Variants in ATP2C2 observed in about 807,000 individuals in gnomAD.
The protein encoded by ATP2C2 is ATPase secretory pathway Ca2+ transporting 2.
Under a neutral mutation model 110.8 loss-of-function variants are expected in ATP2C2, and 171 were observed. That is an observed-to-expected ratio of 1.54 (90% CI 1.36 to 1.75). The LOEUF (loss-of-function observed/expected upper bound fraction) is 1.75. Among genes scored for constraint, ATP2C2 ranks in the 40% most tolerant of loss-of-function variants. The pLI is 0.00. For missense variants in ATP2C2, 1,963 were observed against 1,235.0 expected (o/e 1.59, Z -8.84); for synonymous variants, 804 against 508.4 (o/e 1.58, Z -7.82).
chr16:84,440,136 C>G (rs1400054682), intron 13 of ATP2C2, among the ~76,000 whole-genome samples: 1 of 152,182 alleles, frequency 6.6e-6, no homozygotes, highest in Non-Finnish European at 1.5e-5. Context: ...CCACGCCCAG[C>G]CTGTTTTATT....
chr16:84,384,696 G>A (rs911439036), intron 1 of ATP2C2, among the ~76,000 whole-genome samples: 19 of 152,116 alleles, frequency 1.2e-4, no homozygotes, highest in Admixed American at 1.1e-3. Context: ...CTATCACAAC[G>A]TTTGCTGAAT....
At chr16:84,401,529 A>G (rs1252273319) in intron 2 of ATP2C2, among the ~76,000 whole-genome samples, 1 of 151,840 alleles carries the variant, frequency 6.6e-6, no homozygotes, top group Non-Finnish European at 1.5e-5. Flanking sequence ...ATGGGGTGAA[A>G]TTTCACTCTC....
intron 1 of ATP2C2, among the ~76,000 whole-genome samples, chr16:84,395,964 T>C (rs1008092013): frequency 6.6e-6 from 1 of 152,186 alleles, no homozygotes; most frequent in Non-Finnish European, 1.5e-5. Flanking sequence ...AGAGACTCTG[T>C]AGTCATTAAA....
At chr16:84,435,963 T>C (rs1908700505) in intron 11 of ATP2C2, among the ~76,000 whole-genome samples, 1 of 152,224 alleles carries the variant, frequency 6.6e-6, no homozygotes, top group African/African-American at 2.4e-5. Context: ...ACCTCATCTC[T>C]ACTAAAAATT....
Position 84,410,573 on chromosome 16 carries a change from G to A in ATP2C2, c.423G>A (p.Val141=). 1 of 1,614,052 alleles carries A rather than the reference G, an allele frequency of 6.2e-7. No individual in the cohort carries two copies. The highest frequency in any genetic ancestry group is 1.1e-5 in the South Asian group (1 of 91,062). The stretch of plus-strand genomic sequence containing the variant: ...CTCCTCCGTTTGCTGTCTAGGCAGT[G>A]CTTGTCGTGGTCACTGTCGCCTTCA... The part of the protein sequence containing the change: ...YEDAVSIATA[V]LVVVTVAFIQ... The change falls in exon 5 of 27, where the codon GTG becomes GTA. Residue 141 remains valine, a synonymous_variant. Transcript: ENST00000262429.
intron 11 of ATP2C2, chr16:84,438,929 T>G: frequency 2.1e-6 from 1 of 474,332 alleles, no homozygotes; most frequent in Non-Finnish European, 3.8e-6. Flanking sequence ...CACATTAAGG[T>G]GTGGATGACT....
intron 15 of ATP2C2, among the ~76,000 whole-genome samples, chr16:84,444,608 A>T (rs79055851): frequency 0.049 from 7,498 of 152,286 alleles, 227 homozygotes; most frequent in Admixed American, 0.077. Context: ...CCCATTCAAC[A>T]ACTCCTCGCC....
intron 11 of ATP2C2, among the ~76,000 whole-genome samples, chr16:84,426,766 G>A (rs201229341): frequency 2.0e-5 from 3 of 152,158 alleles, no homozygotes; most frequent in East Asian, 3.8e-4. Context: ...CTATCAGAGC[G>A]GCAATGGATG....
At chr16:84,442,666 C>T (rs563909173) in intron 15 of ATP2C2, 67 bp downstream of exon 15, 3 of 1,478,282 alleles carry the variant, frequency 2.0e-6, no homozygotes, top group Non-Finnish European at 2.8e-6. Context: ...TGGTAGAAAG[C>T]CAGCTCCTGT....
At chr16:84,415,847 A>T (rs950064572) in intron 7 of ATP2C2, among the ~76,000 whole-genome samples, 11 of 152,346 alleles carry the variant, frequency 7.2e-5, no homozygotes, top group African/African-American at 2.6e-4. Context: ...AGTTTAAAGC[A>T]GGCTGCAATA....
At chr16:84,462,292 C>G in intron 26 of ATP2C2, 163 bp downstream of exon 26, 1 of 890,710 alleles carries the variant, frequency 1.1e-6, no homozygotes, top group Middle Eastern at 3.6e-4. Flanking sequence ...CAGGAAGGGA[C>G]TCTAACGTGG....
intron 1 of ATP2C2, 80 bp downstream of exon 1, chr16:84,368,794 C>G: frequency 2.4e-6 from 3 of 1,232,412 alleles, no homozygotes; most frequent in South Asian, 1.4e-5. Flanking sequence ...GCCCGAGACC[C>G]CGCGTTCGCG....
intron 24 of ATP2C2, chr16:84,461,494 G>A (rs1341296454): frequency 9.8e-6 from 6 of 611,388 alleles, no homozygotes; most frequent in Non-Finnish European, 1.7e-5. Flanking sequence ...TAGGTGCCCT[G>A]CCCCCATCCT....
Position 84,461,708 on chromosome 16 carries a change from T to C in ATP2C2, c.2482-6T>C, listed in dbSNP as rs761734628. 2 of 1,613,522 alleles carry C rather than the reference T, an allele frequency of 1.2e-6. No homozygotes were observed. Among genetic ancestry groups the C allele is most frequent in the Admixed American group, 1.7e-5 (1 of 60,022 alleles). ...CTAACCTCTCACCTTTGTGCTCACCTTCCAGATGCCTGAAGACAGAGCAAG... is the reference window on the plus strand; with the variant it reads ...CTAACCTCTCACCTTTGTGCTCACCCTCCAGATGCCTGAAGACAGAGCAAG... On this transcript the variant is annotated splice_polypyrimidine_tract_variant and splice_region_variant and intron_variant, in intron 24 of 26. Coordinates refer to ENST00000262429, the MANE Select transcript of ATP2C2 (RefSeq NM_014861.4).
chr16:84,436,398 G>C (rs1162670457), intron 11 of ATP2C2, among the ~76,000 whole-genome samples: 1 of 152,148 alleles, frequency 6.6e-6, no homozygotes, highest in Non-Finnish European at 1.5e-5. Flanking sequence ...CCGATTTCAC[G>C]TATTTCCTGG....
chr16:84,451,668 T>C (rs964023423), intron 17 of ATP2C2, among the ~76,000 whole-genome samples: 2 of 152,054 alleles, frequency 1.3e-5, no homozygotes, highest in African/African-American at 4.8e-5. Flanking sequence ...TGAAATCCTG[T>C]CTCTACTAAA....
chr16:84,446,801 C>T (rs995667510), intron 16 of ATP2C2, among the ~76,000 whole-genome samples: 1 of 152,146 alleles, frequency 6.6e-6, no homozygotes, highest in African/African-American at 2.4e-5. Context: ...TGAGATCGAC[C>T]AGCCTGTAAT....
chr16:84,451,829 A>ACTCT (rs1324350887), intron 17 of ATP2C2, 92 bp from the exon 18 acceptor site: 5 of 1,314,090 alleles, frequency 3.8e-6, no homozygotes, highest in Admixed American at 2.2e-5. Context: ...TAAGAACAAA[A>ACTCT]CTCTCTTAAA....
At chr16:84,387,746 C>A (rs112131527) in intron 1 of ATP2C2, among the ~76,000 whole-genome samples, 1 of 152,070 alleles carries the variant, frequency 6.6e-6, no homozygotes, top group African/African-American at 2.4e-5. Context: ...GTGCGTCTCC[C>A]AAGACAGCCC....
Sources: gnomAD v4.1 joint callset for allele counts (sites outside exome capture counted in the v4.1 genomes callset) on GRCh38, gnomAD v4.1.1 for gene constraint, MANE v1.5 for transcripts, NCBI Gene and HGNC (gene_info 2026-07-23, HGNC 2026-07-21) for gene names.